ITGB5: variants seen among roughly 807,000 people sequenced by gnomAD.
ITGB5 encodes integrin beta-5.
Under a neutral mutation model 84.8 loss-of-function variants are expected in ITGB5, and 38 were observed. The ratio of observed to expected loss-of-function variants is 0.45; its 90% CI spans 0.35 to 0.59. ITGB5 has a LOEUF of 0.59. Among genes scored for constraint, ITGB5 ranks in the 20% least tolerant of loss-of-function variants. The pLI is 0.01. For synonymous variants in ITGB5, 393 were observed against 414.4 expected (o/e 0.95, Z 0.63); for missense variants, 905 against 1,034.5 (o/e 0.87, Z 1.72).
At chr3:124,848,621 G>C in intron 3 of ITGB5, 63 bp from the exon 4 acceptor site, 2 of 1,531,058 alleles carry the variant, frequency 1.3e-6, no homozygotes, top group South Asian at 1.2e-5. Context: ...CTGAGGGATG[G>C]GATTTGCTTT....
intron 8 of ITGB5, among the ~76,000 whole-genome samples, chr3:124,810,286 CA>C (rs1559945771): frequency 6.6e-6 from 1 of 152,084 alleles, no homozygotes; most frequent in Non-Finnish European, 1.5e-5. Context: ...ATATGAAATT[CA>C]AAAACAGGCA....
At chr3:124,801,128 G>C (rs1263514021) in intron 9 of ITGB5, among the ~76,000 whole-genome samples, 1 of 152,172 alleles carries the variant, frequency 6.6e-6, no homozygotes, top group Non-Finnish European at 1.5e-5. Context: ...AGAGTCCCGA[G>C]GAGTGGACGG....
chr3:124,796,392 G>A lies in ITGB5; in HGVS notation c.1689C>T (p.Cys563=), dbSNP rs2064223859. Residue 563 remains cysteine, a synonymous_variant, in exon 10 of 15, where the codon TGC becomes TGT. Coordinates refer to ENST00000296181, the MANE Select transcript of ITGB5 (RefSeq NM_002213.5). ...GTGCTTGCTGGGGACACTTACCTGA[G>A]CAGAGGACTCCCTTGTTCCTGGCAC... is the stretch of plus-strand genomic sequence containing the variant. ...FSCARNKGVL[C]SGHGECHCGE... 3 of 1,606,996 alleles carry A rather than the reference G, an allele frequency of 1.9e-6. No individual in the cohort carries two copies. The South Asian group carries it at 3.3e-5, about 18-fold the overall frequency.
At chr3:124,763,758 A>G in intron 14 of ITGB5, 40 bp from the exon 15 acceptor site, 2 of 1,207,930 alleles carry the variant, frequency 1.7e-6, no homozygotes, top group South Asian at 2.5e-5. Context: ...GACACATGTT[A>G]GCTCACACAC....
intron 8 of ITGB5, among the ~76,000 whole-genome samples, chr3:124,815,524 C>G (rs2107547707): frequency 6.6e-6 from 1 of 152,348 alleles, no homozygotes; most frequent in Middle Eastern, 3.4e-3. Context: ...GCGGTGGCCT[C>G]CCTGCCTGTG....
At chr3:124,879,128 T>C (rs959193055) in intron 1 of ITGB5, among the ~76,000 whole-genome samples, 1 of 152,202 alleles carries the variant, frequency 6.6e-6, no homozygotes, top group Non-Finnish European at 1.5e-5. Flanking sequence ...GAAATGTTTA[T>C]CCTAAGCCAA....
At chr3:124,812,973 T>C (rs1292000439) in intron 8 of ITGB5, among the ~76,000 whole-genome samples, 2 of 152,160 alleles carry the variant, frequency 1.3e-5, no homozygotes, top group South Asian at 2.1e-4. Context: ...GCATGACTCA[T>C]GAAATCCAAC....
chr3:124,840,542 G>C (rs1378074061), intron 5 of ITGB5, among the ~76,000 whole-genome samples: 2 of 151,896 alleles, frequency 1.3e-5, no homozygotes, highest in South Asian at 4.1e-4. Context: ...GGAACCTCTC[G>C]AAGCATGAGT....
intron 12 of ITGB5, among the ~76,000 whole-genome samples, chr3:124,767,921 T>C (rs1288718465): frequency 6.6e-6 from 1 of 151,680 alleles, no homozygotes; most frequent in Non-Finnish European, 1.5e-5. Context: ...AAACAAAAAT[T>C]TGCCAGGCAT....
At chr3:124,766,073 A>AG (rs1559919421) in intron 13 of ITGB5, among the ~76,000 whole-genome samples, 153 bp downstream of exon 13, 1 of 151,864 alleles carries the variant, frequency 6.6e-6, no homozygotes, top group Non-Finnish European at 1.5e-5. Context: ...AAAAAAAAAA[A>AG]AAAGAAAAAG....
intron 1 of ITGB5, among the ~76,000 whole-genome samples, chr3:124,894,134 CTTT>C (rs748784158): frequency 1.6e-4 from 17 of 104,348 alleles, no homozygotes; most frequent in African/African-American, 6.0e-4. Context: ...TGATATTTTT[CTTT>C]TTTTTTTTTT....
At chr3:124,786,156 G>C (rs558831940) in intron 10 of ITGB5, among the ~76,000 whole-genome samples, 1 of 152,312 alleles carries the variant, frequency 6.6e-6, no homozygotes, top group East Asian at 1.9e-4. Context: ...CTCCCAGTTA[G>C]GGCTTGCTCA....
At chr3:124,855,506 T>C (rs1251232708) in intron 3 of ITGB5, among the ~76,000 whole-genome samples, 3 of 152,210 alleles carry the variant, frequency 2.0e-5, no homozygotes, top group East Asian at 3.8e-4. Context: ...GTTAAAATTA[T>C]ATTTTCAAAA....
At chr3:124,861,491 T>TACAC (rs1168034132) in intron 2 of ITGB5, among the ~76,000 whole-genome samples, 3 of 76,294 alleles carry the variant, frequency 3.9e-5, no homozygotes, top group African/African-American at 1.4e-4. Flanking sequence ...CATATATATA[T>TACAC]ATATACACAC....
intron 9 of ITGB5, among the ~76,000 whole-genome samples, chr3:124,808,039 G>A (rs545737430): frequency 1.5e-4 from 22 of 148,276 alleles, no homozygotes; most frequent in Admixed American, 1.3e-3. Flanking sequence ...AGGGATGGGA[G>A]AGGATCTACA....
At chr3:124,846,851 C>T (rs1467586370) in intron 4 of ITGB5, among the ~76,000 whole-genome samples, 2 of 152,122 alleles carry the variant, frequency 1.3e-5, no homozygotes, top group African/African-American at 4.8e-5. Flanking sequence ...GGAGAATCGG[C>T]TTGAACCCGG....
intron 5 of ITGB5, among the ~76,000 whole-genome samples, chr3:124,822,674 G>GATT (rs1418232496): frequency 6.6e-6 from 1 of 152,180 alleles, no homozygotes; most frequent in Non-Finnish European, 1.5e-5. Context: ...TGAACAAAGG[G>GATT]ATTAGCCTTT....
intron 13 of ITGB5, among the ~76,000 whole-genome samples, chr3:124,764,871 C>T (rs1005890848): frequency 1.3e-5 from 2 of 152,232 alleles, no homozygotes; most frequent in Non-Finnish European, 2.9e-5. Context: ...TGGACCCGCT[C>T]AGCTTTCGTG....
chr3:124,872,912 C>T (rs1275907334), intron 2 of ITGB5, among the ~76,000 whole-genome samples: 1 of 152,194 alleles, frequency 6.6e-6, no homozygotes, highest in Non-Finnish European at 1.5e-5. Flanking sequence ...GCCCATATTG[C>T]TTTATGATAC....
Sources: gnomAD v4.1 joint callset for allele counts (sites outside exome capture counted in the v4.1 genomes callset) on GRCh38, gnomAD v4.1.1 for gene constraint, MANE v1.5 for transcripts, NCBI Gene and HGNC (gene_info 2026-07-23, HGNC 2026-07-21) for gene names.